Variants in GFM1 observed in about 807,000 individuals in gnomAD.
GFM1 encodes elongation factor G, mitochondrial.
GFM1 carries 62 observed loss-of-function variants against 96.2 expected under a neutral mutation model. The observed-to-expected ratio is 0.64, with a 90% CI of 0.53 to 0.80. GFM1 has a LOEUF of 0.80. Ranked by LOEUF, GFM1 falls within the 30% of genes least tolerant of loss-of-function variation. GFM1 has a pLI of 0.00. For missense variants in GFM1, 852 were observed against 916.6 expected (o/e 0.93, Z 0.91); for synonymous variants, 282 against 312.9 (o/e 0.90, Z 1.04).
chr3:158,672,264 T>C lies in GFM1; in HGVS notation c.1601+5878T>C, dbSNP rs1724397685. ...GGTGGGTAGGGGGTGGCACGGAGTG[T>C]CTGCACCCAAAGGCTGAGACCGCGG... On this transcript the variant is annotated intron_variant, in intron 13 of 17. Transcript: ENST00000486715. 3 of 1,539,838 alleles carry C rather than the reference T, an allele frequency of 1.9e-6. No individual in the cohort carries two copies. In the African/African-American group the frequency reaches 4.1e-5, roughly 21 times the overall value.
intron 13 of GFM1, among the ~76,000 whole-genome samples, chr3:158,673,606 G>A (rs1367522270): frequency 2.0e-5 from 3 of 147,466 alleles, no homozygotes; most frequent in African/African-American, 7.6e-5. Context: ...CCGCCTCCTG[G>A]GTTCAAGCAG....
rs1469127407 is a variant in GFM1 at position 158,652,326 on chromosome 3, T to C, written c.840+80T>C. On this transcript the variant is annotated intron_variant, in intron 6 of 17. Transcript: ENST00000486715. ...TTTGTAGGGAGGGGACATGATGCTTTTATGTATGGGCTTTATTAATGAAAT... is the reference window on the plus strand; with the variant it reads ...TTTGTAGGGAGGGGACATGATGCTTCTATGTATGGGCTTTATTAATGAAAT... 5.1e-6 allele frequency: 6 copies of C among 1,169,024 alleles called. No individual in the cohort carries two copies. In the Admixed American group the frequency reaches 8.5e-5, roughly 17 times the overall value. The allele number at this position is 1,169,024 out of a possible 1,614,324, so 72.4% of individuals were successfully genotyped here. A position where few individuals can be genotyped will look rare whatever the true frequency, so the allele number is the denominator to read the frequency against.
At chr3:158,664,428 T>C (rs897061905) in intron 11 of GFM1, among the ~76,000 whole-genome samples, 9 of 152,238 alleles carry the variant, frequency 5.9e-5, no homozygotes, top group African/African-American at 1.9e-4. Flanking sequence ...CTTGTGGTTG[T>C]AGGATGGGGG....
At chr3:158,671,274 A>G (rs747448001) in intron 13 of GFM1, among the ~76,000 whole-genome samples, 27 of 152,236 alleles carry the variant, frequency 1.8e-4, no homozygotes, top group Non-Finnish European at 3.8e-4. Flanking sequence ...TCAATCATCA[A>G]AAGACTTTAT....
chr3:158,679,117 A>T (rs774051900), intron 13 of GFM1, among the ~76,000 whole-genome samples: 4 of 152,240 alleles, frequency 2.6e-5, no homozygotes, highest in African/African-American at 7.2e-5. Context: ...CTAGACCTTC[A>T]GTCTCCACTT....
At chr3:158,680,097 T>C (rs1369185988) in intron 13 of GFM1, among the ~76,000 whole-genome samples, 3 of 152,186 alleles carry the variant, frequency 2.0e-5, no homozygotes, top group South Asian at 2.1e-4. Context: ...CTTACATATA[T>C]GTATATATAT....
Position 158,662,673 on chromosome 3 carries a change from C to G in GFM1, c.1369C>G (p.Pro457Ala), listed in dbSNP as rs369399450. ...PDPVISIAMKPSNKNDLEKFS... is the reference protein window; with the variant it reads ...PDPVISIAMKASNKNDLEKFS... ...TCCTGTCATTTCAATAGCAATGAAG[C>G]CTTCTAACAAGGTAGGAGTTTGATT... Residue 457 changes from proline to alanine, a missense_variant, in exon 11 of 18, where the codon CCT becomes GCT. By Grantham distance (27) the Pro-to-Ala change is conservative. Coordinates refer to ENST00000486715, the MANE Select transcript of GFM1 (RefSeq NM_024996.7). 1.3e-6 allele frequency: 2 copies of G among 1,591,160 alleles called. No individual in the cohort carries two copies. Among genetic ancestry groups the G allele is most frequent in the South Asian group, 2.2e-5 (2 of 90,634 alleles).
At chr3:158,675,879 A>G (rs936186629) in intron 13 of GFM1, among the ~76,000 whole-genome samples, 4 of 152,200 alleles carry the variant, frequency 2.6e-5, no homozygotes, top group Non-Finnish European at 2.9e-5. Flanking sequence ...TACATTATAA[A>G]ATGATTATGA....
intron 3 of GFM1, 57 bp from the exon 4 acceptor site, chr3:158,646,686 C>CAT: frequency 7.3e-7 from 1 of 1,372,190 alleles, no homozygotes; most frequent in Non-Finnish European, 1.0e-6. Context: ...TCTAATAGTG[C>CAT]ATATATTAAA....
intron 13 of GFM1, chr3:158,667,017 A>G (rs1429406199): frequency 6.3e-7 from 1 of 1,596,548 alleles, no homozygotes; most frequent in South Asian, 1.2e-5. Context: ...TTTACCTGAG[A>G]TGCTATATTA....
At chr3:158,663,004 T>G (rs764765076) in intron 11 of GFM1, among the ~76,000 whole-genome samples, 1 of 152,120 alleles carries the variant, frequency 6.6e-6, no homozygotes, top group Non-Finnish European at 1.5e-5. Context: ...ATCGGGCACT[T>G]CTCCTAAGTT....
intron 15 of GFM1, among the ~76,000 whole-genome samples, chr3:158,689,610 A>C (rs1409556174): frequency 6.6e-6 from 1 of 152,112 alleles, no homozygotes; most frequent in Non-Finnish European, 1.5e-5. Context: ...GCCTGTGTCT[A>C]CTAAAAATAC....
chr3:158,666,845 G>C, intron 13 of GFM1: 2 of 1,416,694 alleles, frequency 1.4e-6, no homozygotes, highest in Non-Finnish European at 9.7e-7. Context: ...TCTTCACAAA[G>C]AATAGTACTT....
At position 158,644,568 on chromosome 3, in the gene GFM1, C is replaced by T. The variant is rs1205777705; in HGVS notation, c.-67C>T. 1.6e-5 allele frequency: 22 copies of T among 1,344,552 alleles called. No individual in the cohort carries two copies. Among genetic ancestry groups the T allele is most frequent in the East Asian group, 2.5e-5 (1 of 40,048 alleles). 83.3% of individuals were successfully genotyped at this position (1,344,552 alleles called of 1,614,324 possible). A position where few individuals can be genotyped will look rare whatever the true frequency, so the allele number is the denominator to read the frequency against. ...CTGCCGGCGTGACTTTGACCGCTTC[C>T]CGGTGCGTTACCGGCAGCTGAACCC... On this transcript the variant is annotated 5_prime_UTR_variant, in exon 1 of 18. Transcript: ENST00000486715.
intron 13 of GFM1, among the ~76,000 whole-genome samples, chr3:158,676,446 A>G (rs1461665615): frequency 6.6e-6 from 1 of 152,204 alleles, no homozygotes; most frequent in Non-Finnish European, 1.5e-5. Context: ...TATGAATTTT[A>G]TTAGTTTGTT....
chr3:158,656,040 G>A lies in GFM1; in HGVS notation c.1083+1409G>A, dbSNP rs562720939. Reference sequence around the variant, plus strand: ...TTGATGCTTTTCACATGATTAGATTGGAGTCATGTGTTTTTAGGAGGACTG... The same window carrying A: ...TTGATGCTTTTCACATGATTAGATTAGAGTCATGTGTTTTTAGGAGGACTG... On this transcript the variant is annotated intron_variant, in intron 8 of 17. Transcript: ENST00000486715. The A allele has an allele frequency of 1.0e-5, 4 of 399,310 alleles. No homozygotes were observed. In the East Asian group the frequency reaches 2.9e-4, roughly 29 times the overall value. 24.7% of individuals were successfully genotyped at this position (399,310 alleles called of 1,614,324 possible). A position where few individuals can be genotyped will look rare whatever the true frequency, so the allele number is the denominator to read the frequency against.
intron 13 of GFM1, among the ~76,000 whole-genome samples, chr3:158,673,511 T>C (rs1215143819): frequency 2.2e-5 from 3 of 136,878 alleles, no homozygotes; most frequent in East Asian, 4.0e-4. Context: ...TTCTTTTCTT[T>C]TTTTTTTTTT....
chr3:158,690,986 A>G (rs1333162819), intron 16 of GFM1, among the ~76,000 whole-genome samples, 153 bp from the exon 17 acceptor site: 3 of 152,264 alleles, frequency 2.0e-5, no homozygotes, highest in Non-Finnish European at 4.4e-5. Flanking sequence ...GGAATAAAAC[A>G]GAAATGTTTC....
chr3:158,644,594 A>G lies in GFM1; in HGVS notation c.-41A>G, dbSNP rs1165448833. 6.5e-7 allele frequency: 1 copy of G among 1,532,084 alleles called. No individual in the cohort carries two copies. Among genetic ancestry groups the G allele is most frequent in the Admixed American group, 2.0e-5 (1 of 50,956 alleles). The allele number at this position is 1,532,084 out of a possible 1,614,324, so 94.9% of individuals were successfully genotyped here. A position where few individuals can be genotyped will look rare whatever the true frequency, so the allele number is the denominator to read the frequency against. On this transcript the variant is annotated 5_prime_UTR_variant, in exon 1 of 18. Transcript: ENST00000486715. ...CGGTGCGTTACCGGCAGCTGAACCC[A>G]CCCGGCGCCACGGGACTTTGACGCG...
Sources: gnomAD v4.1 joint callset for allele counts (sites outside exome capture counted in the v4.1 genomes callset) on GRCh38, gnomAD v4.1.1 for gene constraint, MANE v1.5 for transcripts, NCBI Gene and HGNC (gene_info 2026-07-23, HGNC 2026-07-21) for gene names.